Variants in AMN1 observed in about 807,000 individuals in gnomAD.
AMN1 encodes antagonist of mitotic exit network 1 homolog, also known as protein AMN1 homolog.
Under a neutral mutation model 33.0 loss-of-function variants are expected in AMN1, and 20 were observed. The ratio of observed to expected loss-of-function variants is 0.61; its 90% CI spans 0.43 to 0.88. The LOEUF (loss-of-function observed/expected upper bound fraction) is 0.88. Among genes scored for constraint, AMN1 ranks in the 40% least tolerant of loss-of-function variants. AMN1 has a pLI of 0.00. For missense variants in AMN1, 246 were observed against 307.4 expected, an observed-to-expected ratio of 0.80 and a Z score of 1.49; for synonymous variants, 114 against 111.9, an observed-to-expected ratio of 1.02 and a Z score of -0.12.
At chr12:31,708,250 C>A (rs1031402311) in intron 2 of AMN1, among the ~76,000 whole-genome samples, 14 of 152,066 alleles carry the variant, frequency 9.2e-5, no homozygotes, top group African/African-American at 2.9e-4. Flanking sequence ...AATATTAAGA[C>A]CCTAGGGAAA....
intron 1 of AMN1, chr12:31,715,454 T>C (rs1939636662): frequency 5.3e-6 from 1 of 189,474 alleles, no homozygotes; most frequent in Non-Finnish European, 1.1e-5. Flanking sequence ...TGCGCCTTCC[T>C]GTTCTCTTTG....
intron 3 of AMN1, among the ~76,000 whole-genome samples, chr12:31,700,879 C>A (rs183921306): frequency 6.6e-6 from 1 of 150,762 alleles, no homozygotes; most frequent in Non-Finnish European, 1.5e-5. Flanking sequence ...TTAGTAGAGA[C>A]GGGGTTTCAC....
At chr12:31,704,281 T>A (rs144049673) in intron 2 of AMN1, among the ~76,000 whole-genome samples, 43 of 152,344 alleles carry the variant, frequency 2.8e-4, no homozygotes, top group African/African-American at 9.9e-4. Flanking sequence ...AAAGGCAAAC[T>A]GTCACTTTGA....
chr12:31,714,180 T>C (rs1014136218), intron 1 of AMN1, among the ~76,000 whole-genome samples: 4 of 152,158 alleles, frequency 2.6e-5, no homozygotes, highest in African/African-American at 9.7e-5. Flanking sequence ...TCTCAAATTA[T>C]AGCTTTTACG....
At chr12:31,724,404 T>A (rs556635402) in intron 1 of AMN1, among the ~76,000 whole-genome samples, 1 of 152,190 alleles carries the variant, frequency 6.6e-6, no homozygotes, top group Non-Finnish European at 1.5e-5. Context: ...AGCATGGATA[T>A]GCTGAACGAA....
At chr12:31,690,333 ACT>A (rs1938447688) in intron 5 of AMN1, among the ~76,000 whole-genome samples, 2 of 152,168 alleles carry the variant, frequency 1.3e-5, no homozygotes, top group African/African-American at 4.8e-5. Context: ...GAATTTCCAC[ACT>A]GTTTTCAATA....
chr12:31,696,011 G>C (rs1032214559), intron 5 of AMN1, among the ~76,000 whole-genome samples: 3 of 151,776 alleles, frequency 2.0e-5, no homozygotes, highest in African/African-American at 4.8e-5. Flanking sequence ...GGGAGGTCGA[G>C]GGGGGCGGAT....
At chr12:31,726,288 A>G (rs535665965) in intron 1 of AMN1, among the ~76,000 whole-genome samples, 24 of 151,972 alleles carry the variant, frequency 1.6e-4, no homozygotes, top group African/African-American at 5.5e-4. Flanking sequence ...CAGCCTCCCA[A>G]GGAGCTGGGA....
Position 31,697,851 on chromosome 12 carries a change from C to T in AMN1, c.423G>A (p.Gln141=). ...EGVVALALNC[Q]LLKIIDLGGC... ...CACCTAAATCGATGATCTTTAGCAGCTGGCAATTGAGTGCAAGAGCAACGA... is the reference window on the plus strand; with the variant it reads ...CACCTAAATCGATGATCTTTAGCAGTTGGCAATTGAGTGCAAGAGCAACGA... The change falls in exon 4 of 7, where the codon CAG becomes CAA. Residue 141 remains glutamine, a synonymous_variant. Coordinates refer to ENST00000281471, the MANE Select transcript of AMN1 (RefSeq NM_001113402.2). 6.2e-7 allele frequency: 1 copy of T among 1,614,006 alleles called. No individual in the cohort carries two copies. Among genetic ancestry groups the T allele is most frequent in the Non-Finnish European group, 8.5e-7 (1 of 1,179,870 alleles).
At chr12:31,686,275 G>A (rs1171466802) in intron 6 of AMN1, among the ~76,000 whole-genome samples, 3 of 152,084 alleles carry the variant, frequency 2.0e-5, no homozygotes, top group East Asian at 1.9e-4. Flanking sequence ...GTGAAACCCT[G>A]TCTCTACTAA....
At position 31,714,156 on chromosome 12, in the gene AMN1, A is replaced by C. The variant is rs188178950; in HGVS notation, c.39-4731T>G. 4.1e-4 allele frequency among the ~76,000 whole-genome samples: 62 copies of C among 152,254 alleles called. 1 individual carries two copies. The East Asian group carries it at 0.01, about 25-fold the overall frequency. ...AGTCGGGGGTAAAGAAAAAAGCCCAAAAAATTTTCCAATTCTCAAATTATA... is the reference window on the plus strand; with the variant it reads ...AGTCGGGGGTAAAGAAAAAAGCCCACAAAATTTTCCAATTCTCAAATTATA... On this transcript the variant is annotated intron_variant, in intron 1 of 6. Transcript: ENST00000281471.
In AMN1 at chr12:31,683,446, T is replaced by C. The variant is rs1182889783; in HGVS notation, c.703+5561A>G. ...TTTTACTTTTTAAAAGAATGATTGA[T>C]ATGGTTTGACTGTGTCGCCACCCAA... On this transcript the variant is annotated intron_variant, in intron 6 of 6. Coordinates refer to ENST00000281471, the MANE Select transcript of AMN1 (RefSeq NM_001113402.2). This position sits in a 1 kb window ranked among gnomAD's most constrained non-coding sequence, Gnocchi z 4.1. 6.6e-6 allele frequency among the ~76,000 whole-genome samples: 1 copy of C among 152,234 alleles called. No homozygotes were observed. The highest frequency in any genetic ancestry group is 2.4e-5 in the African/African-American group (1 of 41,458).
At chr12:31,695,202 A>G (rs905227892) in intron 5 of AMN1, among the ~76,000 whole-genome samples, 1 of 152,036 alleles carries the variant, frequency 6.6e-6, no homozygotes, top group East Asian at 1.9e-4. Flanking sequence ...AGGTCAGTAT[A>G]TTTACTATCA....
chr12:31,727,732 ATTTAT>A (rs895842163), intron 1 of AMN1, among the ~76,000 whole-genome samples: 8 of 151,948 alleles, frequency 5.3e-5, no homozygotes, highest in Non-Finnish European at 1.0e-4. Flanking sequence ...TATTATAGTT[ATTTAT>A]TTTATTTTTT....
At chr12:31,724,955 G>A (rs1256962829) in intron 1 of AMN1, among the ~76,000 whole-genome samples, 2 of 152,218 alleles carry the variant, frequency 1.3e-5, no homozygotes, top group Non-Finnish European at 2.9e-5. Context: ...GTCAAATCAT[G>A]TATTACATTT....
At chr12:31,700,699 TA>T (rs1270098700) in intron 3 of AMN1, among the ~76,000 whole-genome samples, 1 of 152,186 alleles carries the variant, frequency 6.6e-6, no homozygotes, top group Non-Finnish European at 1.5e-5. Context: ...TAATTTTATT[TA>T]TTTTTTTGAG....
chr12:31,701,919 A>G lies in AMN1; in HGVS notation c.260T>C (p.Leu87Pro). Residue 87 changes from leucine to proline, a missense_variant, in exon 3 of 7, where the codon CTG (leucine) becomes CCG (proline). Coordinates refer to ENST00000281471, the MANE Select transcript of AMN1 (RefSeq NM_001113402.2). ...ALLHLSNCRK[L>P]KKLNLNASKG... The stretch of plus-strand genomic sequence containing the variant: ...TGAAGCATTTAAATTTAATTTCTTC[A>G]GTTTTCTACAGTTAGACAGGTGCAG... 1 of 1,608,688 alleles carries G rather than the reference A, an allele frequency of 6.2e-7. No individual in the cohort carries two copies. The highest frequency in any genetic ancestry group is 8.5e-7 in the Non-Finnish European group (1 of 1,178,468).
chr12:31,679,197 G>A (rs1015790406), intron 6 of AMN1, among the ~76,000 whole-genome samples: 1 of 151,904 alleles, frequency 6.6e-6, no homozygotes. Context: ...GCTCTTTGTG[G>A]TAAATCCTGA....
At chr12:31,713,440 C>T (rs947969796) in intron 1 of AMN1, among the ~76,000 whole-genome samples, 3 of 152,046 alleles carry the variant, frequency 2.0e-5, no homozygotes, top group Admixed American at 6.5e-5. Flanking sequence ...TAAAAAATTT[C>T]AAAAATACAG....
Sources: gnomAD v4.1 joint callset for allele counts (sites outside exome capture counted in the v4.1 genomes callset) on GRCh38, gnomAD v4.1.1 for gene constraint, Gnocchi (gnomAD v3.1) non-coding constraint, MANE v1.5 for transcripts, NCBI Gene and HGNC (gene_info 2026-07-23, HGNC 2026-07-21) for gene names.